METTL15: variants seen among roughly 807,000 people sequenced by gnomAD.
METTL15 encodes the protein methyltransferase 15, mitochondrial 12S rRNA N4-cytidine, also known as 12S rRNA N(4)-cytidine methyltransferase METTL15.
In METTL15, 34 loss-of-function variants were observed where a neutral mutation model predicts 38.3. The ratio of observed to expected loss-of-function variants is 0.89; its 90% CI spans 0.68 to 1.18. METTL15 has a LOEUF of 1.18. Among genes scored for constraint, METTL15 ranks in the 50% most tolerant of loss-of-function variants. The probability of loss-of-function intolerance (pLI) is 0.00; values close to 1 mark genes in which losing one functional copy is unlikely to be tolerated. For missense variants in METTL15, 438 were observed against 498.4 expected (o/e 0.88, Z 1.15); for synonymous variants, 162 against 170.9 (o/e 0.95, Z 0.41).
chr11:28,357,198 T>G (rs1850097916), intron 4 of METTL15, among the ~76,000 whole-genome samples: 1 of 152,228 alleles, frequency 6.6e-6, no homozygotes. Flanking sequence ...ATACAGTTCT[T>G]TGGCTTTACC....
At chr11:28,164,662 G>A (rs185155187) in intron 3 of METTL15, among the ~76,000 whole-genome samples, 161 of 151,986 alleles carry the variant, frequency 1.1e-3, no homozygotes, top group African/African-American at 3.2e-3. Flanking sequence ...ATTTTTTATG[G>A]TAAGACATTT....
rs560030672 is a variant in METTL15, at chr11:28,471,601, T to C, written c.*424+47237T>C. ...TTATGGCCTTCCAGCTCCCCCATCA[T>C]GCAAGGTTGCTTTTCTGCTAAATCT... is the stretch of plus-strand genomic sequence containing the variant. On this transcript the variant is annotated intron_variant and NMD_transcript_variant, in intron 6 of 7. Transcript: ENST00000532947. Among the ~76,000 whole-genome samples, 21 of 152,288 alleles carry C rather than the reference T, an allele frequency of 1.4e-4. No individual in the cohort carries two copies. The South Asian group carries it at 1.9e-3, about 14-fold the overall frequency.
chr11:28,257,425 T>C (rs1855017170), intron 4 of METTL15, among the ~76,000 whole-genome samples: 2 of 152,228 alleles, frequency 1.3e-5, no homozygotes, highest in African/African-American at 4.8e-5. Flanking sequence ...AAAATTGATA[T>C]CTTCCTCGAG....
At chr11:28,369,459 A>C (rs1173935562) in intron 5 of METTL15, among the ~76,000 whole-genome samples, 1 of 152,102 alleles carries the variant, frequency 6.6e-6, no homozygotes, top group Non-Finnish European at 1.5e-5. Context: ...CAAAGGACCC[A>C]ACTAGGATAA....
intron 3 of METTL15, among the ~76,000 whole-genome samples, chr11:28,201,859 G>C (rs1215228275): frequency 6.6e-6 from 1 of 152,058 alleles, no homozygotes; most frequent in Admixed American, 6.6e-5. Context: ...AAAAAAGTGA[G>C]AGAAGACATG....
In METTL15 at chr11:28,233,998, A is replaced by C. The variant is rs528240587; in HGVS notation, c.407+22800A>C. ...GTCCCCAGAGTGTGATGTTCCCCTT[A>C]CTGTGTCCATGTGTTCTCATTGTTC... On this transcript the variant is annotated intron_variant, in intron 4 of 6. Coordinates refer to ENST00000407364, the MANE Select transcript of METTL15 (RefSeq NM_001113528.2). Among the ~76,000 whole-genome samples, 286 of 124,832 alleles carry C rather than the reference A, an allele frequency of 2.3e-3. 1 individual carries two copies. The highest frequency in any genetic ancestry group is 7.2e-3 in the African/African-American group (231 of 32,118). The allele number at this position is 124,832 out of a possible 152,430, so 81.9% of individuals were successfully genotyped here.
chr11:28,433,203 A>G (rs905833741), intron 6 of METTL15, among the ~76,000 whole-genome samples: 6 of 130,604 alleles, frequency 4.6e-5, no homozygotes, highest in African/African-American at 1.6e-4. Flanking sequence ...TAGTACTATT[A>G]TTCTCTTACT....
intron 6 of METTL15, among the ~76,000 whole-genome samples, chr11:28,484,129 G>A (rs1851418962): frequency 1.3e-5 from 2 of 152,114 alleles, no homozygotes; most frequent in South Asian, 4.2e-4. Flanking sequence ...GACAACAGTA[G>A]CACATATTAA....
chr11:28,318,105 A>T (rs1004712293), intron 6 of METTL15, among the ~76,000 whole-genome samples: 1 of 152,210 alleles, frequency 6.6e-6, no homozygotes, highest in Non-Finnish European at 1.5e-5. Flanking sequence ...ATAAAATTGC[A>T]TGTACATGCA....
At chr11:28,329,328 G>T (rs1174334359) in intron 6 of METTL15, among the ~76,000 whole-genome samples, 1 of 152,062 alleles carries the variant, frequency 6.6e-6, no homozygotes, top group African/African-American at 2.4e-5. Context: ...TGCTATGCCA[G>T]TACCACACTG....
At chr11:28,414,202 T>C (rs1850752615) in intron 5 of METTL15, among the ~76,000 whole-genome samples, 1 of 152,106 alleles carries the variant, frequency 6.6e-6, no homozygotes, top group Non-Finnish European at 1.5e-5. Flanking sequence ...TCAGGAGCAG[T>C]GGTCACCTGA....
At chr11:28,519,718 T>G (rs1290727799) in intron 6 of METTL15, among the ~76,000 whole-genome samples, 1 of 152,100 alleles carries the variant, frequency 6.6e-6, no homozygotes. Context: ...ACTTTTTTTC[T>G]CCTTCACATA....
In METTL15 at chr11:28,322,834, A is replaced by G. The variant is rs562803684; in HGVS notation, c.779-7562A>G. Among the ~76,000 whole-genome samples, 31 of 152,314 alleles carry G rather than the reference A, an allele frequency of 2.0e-4. 2 individuals are homozygous for G. The highest frequency in any genetic ancestry group is 6.5e-4 in the African/African-American group (27 of 41,584). Reference sequence around the variant, plus strand: ...CCTAAATGTTCCTGCTGCGGTGACAATGTGAGCTCCACAAGAGACCACTTC... The same window carrying G: ...CCTAAATGTTCCTGCTGCGGTGACAGTGTGAGCTCCACAAGAGACCACTTC... On this transcript the variant is annotated intron_variant, in intron 6 of 6. Transcript: ENST00000407364.
intron 4 of METTL15, among the ~76,000 whole-genome samples, chr11:28,238,610 C>A (rs931236753): frequency 6.6e-6 from 1 of 152,204 alleles, no homozygotes; most frequent in Non-Finnish European, 1.5e-5. Flanking sequence ...TGCGCTGCAC[C>A]CACTGTCCTG....
At chr11:28,208,513 G>T (rs1414174523) in intron 3 of METTL15, among the ~76,000 whole-genome samples, 1 of 152,026 alleles carries the variant, frequency 6.6e-6, no homozygotes, top group Admixed American at 6.6e-5. Flanking sequence ...ATTTGCTGAG[G>T]AGAGCTTTAC....
chr11:28,484,501 T>C (rs2582904), intron 6 of METTL15, among the ~76,000 whole-genome samples: 80,093 of 151,846 alleles, frequency 0.53, 21,569 homozygotes, highest in East Asian at 0.74. Context: ...TTGTTTGGGA[T>C]TTCCATGTCC....
chr11:28,123,087 G>C (rs562347071), intron 3 of METTL15, among the ~76,000 whole-genome samples: 11 of 152,176 alleles, frequency 7.2e-5, no homozygotes, highest in Admixed American at 5.9e-4. Flanking sequence ...TCAGGAAATA[G>C]ACATGACCCA....
intron 3 of METTL15, among the ~76,000 whole-genome samples, chr11:28,346,163 T>C (rs1480317553): frequency 6.6e-6 from 1 of 152,174 alleles, no homozygotes; most frequent in Admixed American, 6.6e-5. Flanking sequence ...TGTTCTGAAA[T>C]TTAAGCACCA....
chr11:28,256,410 T>C (rs796396837), intron 4 of METTL15, among the ~76,000 whole-genome samples: 4 of 152,170 alleles, frequency 2.6e-5, no homozygotes, highest in Non-Finnish European at 1.5e-5. Flanking sequence ...GGGTTTTGGA[T>C]TTATTCCTGG....
Sources: allele counts gnomAD v4.1 joint callset (sites outside exome capture counted in the v4.1 genomes callset), GRCh38; gene constraint gnomAD v4.1.1; transcripts MANE v1.5; gene names NCBI Gene and HGNC (gene_info 2026-07-23, HGNC 2026-07-21).